COL4A3: variants seen among roughly 807,000 people sequenced by gnomAD.
COL4A3 encodes the protein collagen type IV alpha 3 chain, also known as collagen alpha-3(IV) chain.
A neutral mutation model predicts 217.4 loss-of-function variants in COL4A3; 135 were observed. The observed-to-expected ratio is 0.62, with a 90% CI of 0.54 to 0.72. The LOEUF (loss-of-function observed/expected upper bound fraction) is 0.72. Among genes scored for constraint, COL4A3 ranks in the 30% least tolerant of loss-of-function variants. COL4A3 has a pLI of 0.00. For missense variants in COL4A3, 1,868 were observed against 2,119.9 expected, an observed-to-expected ratio of 0.88 and a Z score of 2.33; for synonymous variants, 690 against 736.3, an observed-to-expected ratio of 0.94 and a Z score of 1.02.
At chr2:227,262,179 T>C (rs1184657059) in intron 20 of COL4A3, among the ~76,000 whole-genome samples, 1 of 152,114 alleles carries the variant, frequency 6.6e-6, no homozygotes, top group Non-Finnish European at 1.5e-5. Context: ...TGAATATGCA[T>C]GGAAAGATAT....
In COL4A3 at chr2:227,222,108, C is replaced by T. The variant is rs183819547; in HGVS notation, c.88-15860C>T. ...GTTTGAGACCAGCCTGGACAACATA[C>T]GGAGACACTGTCTCTAATAATAATA... On this transcript the variant is annotated intron_variant, in intron 1 of 51. Coordinates refer to ENST00000396578, the MANE Select transcript of COL4A3 (RefSeq NM_000091.5). Among the ~76,000 whole-genome samples the T allele has an allele frequency of 3.8e-3, 550 of 145,272 alleles. 2 individuals carry two copies. Among genetic ancestry groups the T allele is most frequent in the Non-Finnish European group, 5.7e-3 (378 of 66,704 alleles).
rs541902174 is a variant in COL4A3 at position 227,280,249 on chromosome 2, G to T, written c.2224-191G>T. Among the ~76,000 whole-genome samples, 69 of 152,312 alleles carry T rather than the reference G, an allele frequency of 4.5e-4. 1 individual carries two copies. The highest frequency in any genetic ancestry group is 3.4e-3 in the Middle Eastern group (1 of 294). On this transcript the variant is annotated intron_variant, in intron 29 of 51. Coordinates refer to ENST00000396578, the MANE Select transcript of COL4A3 (RefSeq NM_000091.5). ...GACAATCCCACAGTCTTCTGAAAAA[G>T]TGGAGGCTACATATCCTGAAGTATT...
intron 34 of COL4A3, among the ~76,000 whole-genome samples, chr2:227,285,112 G>GT (rs2072231173): frequency 6.6e-6 from 1 of 151,914 alleles, no homozygotes; most frequent in Non-Finnish European, 1.5e-5. Flanking sequence ...AAAGAAAAAT[G>GT]TATCATGGCA....
chr2:227,181,932 A>G (rs2065879418), intron 1 of COL4A3, among the ~76,000 whole-genome samples: 2 of 152,224 alleles, frequency 1.3e-5, no homozygotes, highest in South Asian at 4.1e-4. Flanking sequence ...GCAAAAACAT[A>G]AATAAAATCA....
chr2:227,255,725 C>T (rs948083584), intron 15 of COL4A3, among the ~76,000 whole-genome samples: 5 of 151,584 alleles, frequency 3.3e-5, no homozygotes, highest in African/African-American at 1.2e-4. Flanking sequence ...TTTTTTTTTC[C>T]CTTCCAAGTT....
At chr2:227,281,527 G>C (rs929699287) in intron 31 of COL4A3, among the ~76,000 whole-genome samples, 1 of 152,186 alleles carries the variant, frequency 6.6e-6, no homozygotes, top group Non-Finnish European at 1.5e-5. Flanking sequence ...GGAAAACTTT[G>C]TTTTTGGATC....
intron 41 of COL4A3, 39 bp from the exon 42 acceptor site, chr2:227,297,635 T>G: frequency 6.3e-7 from 1 of 1,576,938 alleles, no homozygotes; most frequent in Non-Finnish European, 8.6e-7. Context: ...CCCAAGCATA[T>G]GGGCATTAAA....
At chr2:227,303,769 G>C in intron 44 of COL4A3, 90 bp from the exon 45 acceptor site, 1 of 1,237,228 alleles carries the variant, frequency 8.1e-7, no homozygotes, top group Non-Finnish European at 1.2e-6. Context: ...CACACTTCTA[G>C]TATTTGTCCT....
chr2:227,182,841 G>T (rs2065901547), intron 1 of COL4A3, among the ~76,000 whole-genome samples: 2 of 152,052 alleles, frequency 1.3e-5, no homozygotes, highest in African/African-American at 2.4e-5. Context: ...TCCAATTCAA[G>T]AATTATTTAG....
At chr2:227,241,927 T>C (rs982204584) in intron 3 of COL4A3, among the ~76,000 whole-genome samples, 2 of 152,174 alleles carry the variant, frequency 1.3e-5, no homozygotes, top group Non-Finnish European at 2.9e-5. Context: ...TTGAGTAATT[T>C]TTCCTGGGTC....
chr2:227,233,406 C>G (rs6723547), intron 1 of COL4A3, among the ~76,000 whole-genome samples: 1 of 151,850 alleles, frequency 6.6e-6, no homozygotes, highest in Non-Finnish European at 1.5e-5. Context: ...AATGATGCCA[C>G]TGAACTCTAA....
chr2:227,223,551 T>C (rs1407809433), intron 1 of COL4A3, among the ~76,000 whole-genome samples: 1 of 127,342 alleles, frequency 7.9e-6, no homozygotes, highest in Non-Finnish European at 1.9e-5. Flanking sequence ...CTGACCAACA[T>C]GGTGAGACGC....
Position 227,253,236 on chromosome 2 carries a change from T to G in COL4A3, c.646-60T>G. On this transcript the variant is annotated intron_variant, in intron 11 of 51. Coordinates refer to ENST00000396578, the MANE Select transcript of COL4A3 (RefSeq NM_000091.5). This position sits in a 1 kb window ranked among gnomAD's most constrained non-coding sequence, Gnocchi z 4.4. ...TTACAAATATTGGAACTTTGATGGG[T>G]TTAGACTATTTATTCATATTTATTT... The G allele has an allele frequency of 2.1e-6, 3 of 1,406,938 alleles. No individual in the cohort carries two copies. The highest frequency in any genetic ancestry group is 3.0e-6 in the Non-Finnish European group (3 of 994,172). 87.2% of individuals were successfully genotyped at this position (1,406,938 alleles called of 1,614,324 possible).
chr2:227,289,207 T>A lies in COL4A3; in HGVS notation c.2939T>A (p.Leu980Ter). 6.2e-7 allele frequency: 1 copy of A among 1,613,920 alleles called. No homozygotes were observed. The highest frequency in any genetic ancestry group is 1.1e-5 in the South Asian group (1 of 91,026). ...AGAGGCGTTCCAGGGATGCCAGGTT[T>A]AAAGGGCCTCAAAGGACTACCCGGA... is the stretch of plus-strand genomic sequence containing the variant. ...GNRGVPGMPG[L>*]KGLKGLPGPA... The change falls in exon 35 of 52, where the codon TTA becomes TAA. Residue 980 changes from leucine (L) to a stop codon, truncating the protein, a stop_gained. Transcript: ENST00000396578. LOFTEE classifies it high-confidence loss of function.
At chr2:227,197,447 C>G (rs1309076990) in intron 1 of COL4A3, among the ~76,000 whole-genome samples, 1 of 152,078 alleles carries the variant, frequency 6.6e-6, no homozygotes, top group Non-Finnish European at 1.5e-5. Context: ...TAAGTACACT[C>G]TATGATGTTT....
At chr2:227,201,600 G>A (rs901777792) in intron 1 of COL4A3, among the ~76,000 whole-genome samples, 4 of 152,164 alleles carry the variant, frequency 2.6e-5, no homozygotes, top group African/African-American at 4.8e-5. Context: ...GTGTGGGGTC[G>A]TGTGTTTAGA....
intron 1 of COL4A3, among the ~76,000 whole-genome samples, chr2:227,184,818 G>T (rs574366119): frequency 5.1e-5 from 7 of 137,280 alleles, no homozygotes; most frequent in Non-Finnish European, 3.1e-5. Flanking sequence ...TTCATTATGC[G>T]CATTTTAGAA....
intron 49 of COL4A3, 28 bp from the exon 50 acceptor site, chr2:227,309,176 C>A (rs988301281): frequency 6.2e-7 from 1 of 1,611,534 alleles, no homozygotes; most frequent in South Asian, 1.1e-5. Flanking sequence ...AGTGGCAATG[C>A]CGCCATAGTC....
At chr2:227,236,194 C>A (rs935307383) in intron 1 of COL4A3, among the ~76,000 whole-genome samples, 5 of 152,136 alleles carry the variant, frequency 3.3e-5, no homozygotes, top group Non-Finnish European at 5.9e-5. Context: ...GCGAATAGTC[C>A]TGTTATAAAT....
Sources: allele counts gnomAD v4.1 joint callset (sites outside exome capture counted in the v4.1 genomes callset), GRCh38; gene constraint gnomAD v4.1.1; non-coding constraint Gnocchi (gnomAD v3.1); transcripts MANE v1.5; gene names NCBI Gene and HGNC (gene_info 2026-07-23, HGNC 2026-07-21).